FERMT2: variants seen among roughly 807,000 people sequenced by gnomAD.
The protein encoded by FERMT2 is FERM domain containing kindlin 2, also known as fermitin family homolog 2.
Under a neutral mutation model 82.7 loss-of-function variants are expected in FERMT2, and 15 were observed. That is an observed-to-expected ratio of 0.18 (90% confidence interval 0.12 to 0.28). The LOEUF (loss-of-function observed/expected upper bound fraction) is 0.28. FERMT2 is among the 10% of genes least tolerant of loss of function. The pLI is 1.00. For missense variants in FERMT2, 645 were observed against 809.4 expected, an observed-to-expected ratio of 0.80 and a Z score of 2.46; for synonymous variants, 274 against 271.5, an observed-to-expected ratio of 1.01 and a Z score of -0.09.
chr14:52,946,555 A>T (rs1890365437), intron 2 of FERMT2, among the ~76,000 whole-genome samples: 1 of 152,190 alleles, frequency 6.6e-6, no homozygotes, highest in African/African-American at 2.4e-5. Context: ...CAGGAAGCTA[A>T]GGCAAGAGGA....
At position 52,878,709 on chromosome 14, in the gene FERMT2, T is replaced by A; in HGVS notation, c.856-20A>T. 1 of 1,309,688 alleles carries A rather than the reference T, an allele frequency of 7.6e-7. No homozygotes were observed. Among genetic ancestry groups the A allele is most frequent in the South Asian group, 1.3e-5 (1 of 74,550 alleles). 81.1% of individuals were successfully genotyped at this position (1,309,688 alleles called of 1,614,324 possible). Reference sequence around the variant, plus strand: ...ATCATACTGCAACAAGAGAAATAGTTCTTTTGTAATATATAACCTTTACCA... The same window carrying A: ...ATCATACTGCAACAAGAGAAATAGTACTTTTGTAATATATAACCTTTACCA... On this transcript the variant is annotated intron_variant, in intron 6 of 14. Coordinates refer to ENST00000341590, the MANE Select transcript of FERMT2 (RefSeq NM_006832.3).
chr14:52,919,048 G>T, intron 3 of FERMT2, 75 bp downstream of exon 3: 2 of 1,014,844 alleles, frequency 2.0e-6, no homozygotes, highest in Non-Finnish European at 3.0e-6. Context: ...CATCCCTTGG[G>T]ATAAGCTATG....
At chr14:52,897,583 T>C (rs899999499) in intron 3 of FERMT2, among the ~76,000 whole-genome samples, 1 of 152,232 alleles carries the variant, frequency 6.6e-6, no homozygotes, top group African/African-American at 2.4e-5. Context: ...AGAATTTTTA[T>C]ATAAACATTG....
Position 52,880,544 on chromosome 14 carries a change from G to A in FERMT2, c.855+492C>T, listed in dbSNP as rs145790072. 6.6e-3 allele frequency among the ~76,000 whole-genome samples: 1,008 copies of A among 152,186 alleles called. 6 individuals are homozygous for A. The highest frequency in any genetic ancestry group is 0.014 in the Middle Eastern group (4 of 294). On this transcript the variant is annotated intron_variant, in intron 6 of 14. Coordinates refer to ENST00000341590, the MANE Select transcript of FERMT2 (RefSeq NM_006832.3). The stretch of plus-strand genomic sequence containing the variant: ...CTTCCAAGTAGCTGGCATTACCAGC[G>A]TGTGCCACCATGCGTGGCTAGTTTT...
chr14:52,875,688 T>G (rs2140101135), intron 7 of FERMT2, among the ~76,000 whole-genome samples: 1 of 152,140 alleles, frequency 6.6e-6, no homozygotes, highest in Admixed American at 6.5e-5. Context: ...ATCTGCCCTG[T>G]GTCTATAACA....
rs1594917724 is a variant in FERMT2 at position 52,857,384 on chromosome 14, A to G, written c.*993T>C. On this transcript the variant is annotated 3_prime_UTR_variant, in exon 15 of 15. Coordinates refer to ENST00000341590, the MANE Select transcript of FERMT2 (RefSeq NM_006832.3). ...CCTCTCCCTCGCACCCTTTTGGGCT[A>G]TGTGAGCTAGGAATTTTCTGACTAG... 1 of 152,636 alleles carries G rather than the reference A, an allele frequency of 6.6e-6. No homozygotes were observed. The highest frequency in any genetic ancestry group is 2.1e-4 in the South Asian group (1 of 4,830). The allele number at this position is 152,636 out of a possible 1,614,324, so 9.5% of individuals were successfully genotyped here. A position where few individuals can be genotyped will look rare whatever the true frequency, so the allele number is the denominator to read the frequency against.
chr14:52,901,280 C>CAAA (rs10638877), intron 3 of FERMT2, among the ~76,000 whole-genome samples: 9,322 of 56,838 alleles, frequency 0.16, 1,790 homozygotes, highest in African/African-American at 0.22. Flanking sequence ...GACTCTGTCT[C>CAAA]AAAAAAAAAA....
intron 4 of FERMT2, among the ~76,000 whole-genome samples, chr14:52,891,740 G>C (rs539279523): frequency 9.9e-5 from 15 of 152,258 alleles, no homozygotes; most frequent in African/African-American, 3.1e-4. Flanking sequence ...ATTTGCTGAG[G>C]GGACCCATCC....
chr14:52,900,844 T>C (rs956604755), intron 3 of FERMT2, among the ~76,000 whole-genome samples: 1 of 152,050 alleles, frequency 6.6e-6, no homozygotes, highest in South Asian at 2.1e-4. Flanking sequence ...AGAACCTGAA[T>C]AGCCCTAGGG....
At chr14:52,878,924 G>A (rs3736914) in intron 6 of FERMT2, among the ~76,000 whole-genome samples, 2 of 152,162 alleles carry the variant, frequency 1.3e-5, no homozygotes, top group Non-Finnish European at 2.9e-5. Flanking sequence ...AAATATGACA[G>A]AGAATAATTG....
intron 5 of FERMT2, 41 bp downstream of exon 5, chr14:52,881,203 T>G (rs762796003): frequency 6.3e-7 from 1 of 1,597,736 alleles, no homozygotes; most frequent in Non-Finnish European, 8.6e-7. Context: ...TACCTCTAGC[T>G]GGATGAAGAA....
intron 2 of FERMT2, among the ~76,000 whole-genome samples, chr14:52,925,308 T>G (rs1322357568): frequency 6.6e-6 from 1 of 152,048 alleles, no homozygotes; most frequent in African/African-American, 2.4e-5. Context: ...TCCCAGTATG[T>G]TGGGAGGCCA....
chr14:52,879,727 C>T (rs924424005), intron 6 of FERMT2, among the ~76,000 whole-genome samples: 2 of 152,072 alleles, frequency 1.3e-5, no homozygotes, highest in Non-Finnish European at 2.9e-5. Flanking sequence ...CTAGACTATA[C>T]TCTAAACATG....
chr14:52,858,856 T>C (rs956408481), intron 14 of FERMT2: 32 of 234,114 alleles, frequency 1.4e-4, no homozygotes, highest in African/African-American at 6.5e-4. Context: ...ATGCCTCTCT[T>C]CAAGTCGTGC....
intron 2 of FERMT2, among the ~76,000 whole-genome samples, chr14:52,947,457 C>T (rs1890410996): frequency 6.6e-6 from 1 of 151,700 alleles, no homozygotes; most frequent in South Asian, 2.1e-4. Flanking sequence ...CCAGTCTGGG[C>T]GACAGAGTGA....
intron 3 of FERMT2, among the ~76,000 whole-genome samples, chr14:52,911,546 G>A (rs1262727910): frequency 6.6e-6 from 1 of 151,966 alleles, no homozygotes; most frequent in Non-Finnish European, 1.5e-5. Context: ...AGCTACTAGG[G>A]AGGCTGAGGC....
At chr14:52,881,514 A>G (rs1234070558) in intron 4 of FERMT2, 45 bp from the exon 5 acceptor site, 5 of 1,327,058 alleles carry the variant, frequency 3.8e-6, no homozygotes, top group South Asian at 2.6e-5. Flanking sequence ...GCAGTACAGC[A>G]TCTTATTTTT....
Position 52,881,299 on chromosome 14 carries a change from A to G in FERMT2, c.697T>C (p.Leu233=), listed in dbSNP as rs1886281358. Residue 233 remains leucine, a synonymous_variant, in exon 5 of 15, where the codon TTG becomes CTG. Coordinates refer to ENST00000341590, the MANE Select transcript of FERMT2 (RefSeq NM_006832.3). ...GCTTGAGGCTTGAACATTTTTGCCA[A>G]GATTTCTGGTGACGTGATTGGTTGA... The part of the protein sequence containing the change: ...VSQPITSPEI[L]AKMFKPQALL... 1 of 1,613,954 alleles carries G rather than the reference A, an allele frequency of 6.2e-7. No individual in the cohort carries two copies. Among genetic ancestry groups the G allele is most frequent in the Admixed American group, 1.7e-5 (1 of 59,984 alleles).
At chr14:52,872,293 C>A (rs1442132918) in intron 10 of FERMT2, 2 of 153,708 alleles carry the variant, frequency 1.3e-5, no homozygotes, top group Middle Eastern at 3.3e-3. Flanking sequence ...TGGTGGCTCA[C>A]GCCTGTAATC....
Sources: gnomAD v4.1 joint callset for allele counts (sites outside exome capture counted in the v4.1 genomes callset) on GRCh38, gnomAD v4.1.1 for gene constraint, MANE v1.5 for transcripts, NCBI Gene and HGNC (gene_info 2026-07-23, HGNC 2026-07-21) for gene names.